Variants in SNED1 observed in about 807,000 individuals in gnomAD.
SNED1 encodes sushi, nidogen and EGF like domains 1, also known as sushi, nidogen and EGF-like domain-containing protein 1.
SNED1 carries 81 observed loss-of-function variants against 166.7 expected under a neutral mutation model. That is an observed-to-expected ratio of 0.49 (90% CI 0.41 to 0.58). SNED1 has a LOEUF of 0.58. Ranked by LOEUF, SNED1 falls within the 20% of genes least tolerant of loss-of-function variation. The pLI is 0.00. For synonymous variants in SNED1, 762 were observed against 822.0 expected, an observed-to-expected ratio of 0.93 and a Z score of 1.25; for missense variants, 1,604 against 2,000.2, an observed-to-expected ratio of 0.80 and a Z score of 3.78.
chr2:241,050,358 C>G (rs1436834367), intron 12 of SNED1, among the ~76,000 whole-genome samples: 1 of 152,188 alleles, frequency 6.6e-6, no homozygotes, highest in Non-Finnish European at 1.5e-5. Flanking sequence ...GCTATCCCCG[C>G]CAGGCCCCAC....
At chr2:241,008,084 G>A (rs1038652906) in intron 1 of SNED1, among the ~76,000 whole-genome samples, 31 of 152,356 alleles carry the variant, frequency 2.0e-4, no homozygotes, top group East Asian at 5.8e-4. Context: ...AGCACAGCCC[G>A]GAGGTGGCAG....
intron 24 of SNED1, among the ~76,000 whole-genome samples, chr2:241,070,824 A>G (rs2062673371): frequency 6.6e-6 from 1 of 152,222 alleles, no homozygotes; most frequent in African/African-American, 2.4e-5. Context: ...GGGAGAGAAG[A>G]AAGAGACGGA....
intron 8 of SNED1, among the ~76,000 whole-genome samples, chr2:241,046,667 A>C (rs1021340801): frequency 2.0e-5 from 3 of 152,238 alleles, no homozygotes; most frequent in Non-Finnish European, 4.4e-5. Context: ...GTGACTCTGA[A>C]GAGATAGACC....
chr2:241,094,368 C>T lies in SNED1; in HGVS notation c.*2732C>T, dbSNP rs1279388247. The T allele has an allele frequency of 6.8e-5, 32 of 470,906 alleles. No homozygotes were observed. Among genetic ancestry groups the T allele is most frequent in the Admixed American group, 5.4e-4 (23 of 42,566 alleles). The allele number at this position is 470,906 out of a possible 1,614,324, so 29.2% of individuals were successfully genotyped here. A position where few individuals can be genotyped will look rare whatever the true frequency, so the allele number is the denominator to read the frequency against. On this transcript the variant is annotated 3_prime_UTR_variant, in exon 32 of 32. Coordinates refer to ENST00000310397, the MANE Select transcript of SNED1 (RefSeq NM_001080437.3). The surrounding 1 kb of genome is among the most constrained non-coding windows in gnomAD (Gnocchi z 4.3). ...ACTGTGGCGATGTGGACGGAGTCAC[C>T]GAGCTGCTTTTCTTTTGCAAAACAA... is the stretch of plus-strand genomic sequence containing the variant.
At chr2:241,059,943 G>A (rs1028837031) in intron 16 of SNED1, among the ~76,000 whole-genome samples, 1 of 152,074 alleles carries the variant, frequency 6.6e-6, no homozygotes, top group Non-Finnish European at 1.5e-5. Flanking sequence ...GGAAGGAAAG[G>A]AAGAAAGAAT....
At chr2:241,078,355 C>G (rs1263823411) in intron 27 of SNED1, among the ~76,000 whole-genome samples, 1 of 146,290 alleles carries the variant, frequency 6.8e-6, no homozygotes, top group Admixed American at 6.9e-5. Flanking sequence ...TGCACTGCAG[C>G]CTGGGAGACA....
At chr2:241,055,755 T>A (rs1044160106) in intron 16 of SNED1, among the ~76,000 whole-genome samples, 7 of 152,238 alleles carry the variant, frequency 4.6e-5, no homozygotes, top group Non-Finnish European at 1.0e-4. Context: ...TACAAATGCA[T>A]GAGAAGCCAG....
chr2:241,065,711 GCAAGACA>G (rs2062417018), intron 21 of SNED1, 116 bp downstream of exon 21: 8 of 898,318 alleles, frequency 8.9e-6, no homozygotes, highest in Non-Finnish European at 1.3e-5. Context: ...TCTTGCAGCA[GCAAGACA>G]GACAGCTGAG....
intron 1 of SNED1, among the ~76,000 whole-genome samples, chr2:241,005,860 G>A (rs901652633): frequency 6.6e-6 from 1 of 151,630 alleles, no homozygotes; most frequent in South Asian, 2.1e-4. Flanking sequence ...TGGTTATTAG[G>A]TGTATTGTTG....
At chr2:241,090,173 T>C in intron 31 of SNED1, 2 of 1,462,442 alleles carry the variant, frequency 1.4e-6, no homozygotes, top group Non-Finnish European at 1.8e-6. Flanking sequence ...AAAATTGTTT[T>C]CTGTCCTTAG....
At chr2:241,003,135 G>A (rs1317625283) in intron 1 of SNED1, among the ~76,000 whole-genome samples, 5 of 5,666 alleles carry the variant, frequency 8.8e-4, no homozygotes, top group East Asian at 3.7e-3. Flanking sequence ...CGGGCCCCCC[G>A]CTCAGGCACT....
intron 16 of SNED1, among the ~76,000 whole-genome samples, chr2:241,054,644 C>G (rs1257472274): frequency 6.6e-6 from 1 of 152,110 alleles, no homozygotes; most frequent in Admixed American, 6.5e-5. Flanking sequence ...ATTGGCCATC[C>G]AAAACAGGAT....
chr2:241,068,880 C>T lies in SNED1; in HGVS notation c.3195-31C>T, dbSNP rs1047826273. 1.0e-5 allele frequency: 15 copies of T among 1,461,130 alleles called. No individual in the cohort carries two copies. In the Admixed American group the frequency reaches 2.8e-4, roughly 28 times the overall value. The allele number at this position is 1,461,130 out of a possible 1,614,324, so 90.5% of individuals were successfully genotyped here. On this transcript the variant is annotated intron_variant, in intron 22 of 31. Transcript: ENST00000310397. This position sits in a 1 kb window ranked among gnomAD's most constrained non-coding sequence, Gnocchi z 5.3. Reference sequence around the variant, plus strand: ...AGTCACACACAGGTCCCAGACATCCCTGTTCTCTCTTTGTCACCTCCTGCC... The same window carrying T: ...AGTCACACACAGGTCCCAGACATCCTTGTTCTCTCTTTGTCACCTCCTGCC...
At chr2:241,062,161 AC>A (rs1490821325) in intron 16 of SNED1, among the ~76,000 whole-genome samples, 1 of 152,174 alleles carries the variant, frequency 6.6e-6, no homozygotes, top group African/African-American at 2.4e-5. Context: ...CTGCCAGAAA[AC>A]CTAGTTTTTA....
In SNED1 at chr2:241,072,452, C is replaced by T. The variant is rs372719967; in HGVS notation, c.3817+574C>T. 1.9e-4 allele frequency: 66 copies of T among 355,948 alleles called. 1 individual carries two copies. Among genetic ancestry groups the T allele is most frequent in the African/African-American group, 1.3e-3 (60 of 46,768 alleles). 22.0% of individuals were successfully genotyped at this position (355,948 alleles called of 1,614,324 possible). A position where few individuals can be genotyped will look rare whatever the true frequency, so the allele number is the denominator to read the frequency against. On this transcript the variant is annotated intron_variant, in intron 26 of 31. Coordinates refer to ENST00000310397, the MANE Select transcript of SNED1 (RefSeq NM_001080437.3). ...TTGGCAGGAGTGAGGCAGGCGCGAC[C>T]CTGCCCCAGAGGGGACCTCTCTGGC...
chr2:241,042,157 GAGATCAA>G (rs2061538538), intron 8 of SNED1, among the ~76,000 whole-genome samples: 1 of 152,160 alleles, frequency 6.6e-6, no homozygotes, highest in South Asian at 2.1e-4. Context: ...GAGGGAGCAT[GAGATCAA>G]GAGGAGACCT....
In SNED1 at chr2:241,082,384, C is replaced by T; in HGVS notation, c.4121+20C>T. 6.3e-7 allele frequency: 1 copy of T among 1,582,958 alleles called. No individual in the cohort carries two copies. The highest frequency in any genetic ancestry group is 8.7e-7 in the Non-Finnish European group (1 of 1,152,598). ...CCACGTGTAAGTTGGTTTCTGTCCTCCGCCTTACCGCATTTGTCGTGTGTT... is the reference window on the plus strand; with the variant it reads ...CCACGTGTAAGTTGGTTTCTGTCCTTCGCCTTACCGCATTTGTCGTGTGTT... On this transcript the variant is annotated intron_variant, in intron 29 of 31. Transcript: ENST00000310397.
In SNED1 at chr2:241,091,614, C is replaced by T. The variant is rs2064010837; in HGVS notation, c.*2-24C>T. The T allele has an allele frequency of 6.6e-6, 1 of 152,216 alleles. No homozygotes were observed. Among genetic ancestry groups the T allele is most frequent in the Admixed American group, 6.5e-5 (1 of 15,284 alleles). The allele number at this position is 152,216 out of a possible 1,614,324, so 9.4% of individuals were successfully genotyped here. ...GGGAATGCCTGTCATTCTCCTCATGCTTCACTTTGTTTTTTCTTCAAAGGA... is the reference window on the plus strand; with the variant it reads ...GGGAATGCCTGTCATTCTCCTCATGTTTCACTTTGTTTTTTCTTCAAAGGA... On this transcript the variant is annotated intron_variant, in intron 31 of 31. Transcript: ENST00000310397. This position sits in a 1 kb window ranked among gnomAD's most constrained non-coding sequence, Gnocchi z 4.1.
At chr2:241,030,236 C>G (rs776195111) in intron 1 of SNED1, 48 bp from the exon 2 acceptor site, 7 of 1,494,786 alleles carry the variant, frequency 4.7e-6, no homozygotes, top group Middle Eastern at 2.0e-4. Context: ...GCCCACCCGC[C>G]TGCCCACAGC....
Sources: allele counts gnomAD v4.1 joint callset (sites outside exome capture counted in the v4.1 genomes callset), GRCh38; gene constraint gnomAD v4.1.1; non-coding constraint Gnocchi (gnomAD v3.1); transcripts MANE v1.5; gene names NCBI Gene and HGNC (gene_info 2026-07-23, HGNC 2026-07-21).